The following TENM2 variants were observed in gnomAD, a reference collection of about 807,000 sequenced individuals.
The protein encoded by TENM2 is teneurin transmembrane protein 2.
A neutral mutation model predicts 245.2 loss-of-function variants in TENM2; 52 were observed. The ratio of observed to expected loss-of-function variants is 0.21; its 90% confidence interval spans 0.17 to 0.27. TENM2 has a LOEUF of 0.27. TENM2 is among the 10% of genes least tolerant of loss of function. The pLI is 1.00. For missense variants in TENM2, 3,046 were observed against 3,666.8 expected, an observed-to-expected ratio of 0.83 and a Z score of 4.37; for synonymous variants, 1,363 against 1,438.9, an observed-to-expected ratio of 0.95 and a Z score of 1.19.
At chr5:167,759,186 A>T (rs79092875) in intron 2 of TENM2, among the ~76,000 whole-genome samples, 2,991 of 150,110 alleles carry the variant, frequency 0.02, 76 homozygotes, top group African/African-American at 0.063. Context: ...CCCAGTTCTG[A>T]CACTAGATTA....
the TENM2 span, among the ~76,000 whole-genome samples, chr5:167,237,609 T>C: frequency 2.6e-5 from 4 of 152,220 alleles, no homozygotes; most frequent in Non-Finnish European, 5.9e-5. Flanking sequence ...CTGATAATCT[T>C]CCATTTAAGC....
At chr5:167,141,518 G>T in the TENM2 span, among the ~76,000 whole-genome samples, 1 of 152,080 alleles carries the variant, frequency 6.6e-6, no homozygotes, top group African/African-American at 2.4e-5. Context: ...AACAGGTTGT[G>T]TATAATATAT....
chr5:168,060,311 G>A (rs909169386), intron 6 of TENM2, among the ~76,000 whole-genome samples: 1 of 152,160 alleles, frequency 6.6e-6, no homozygotes, highest in Non-Finnish European at 1.5e-5. Context: ...TAATTTGGGG[G>A]GCTGAGGCAG....
At chr5:167,924,922 A>G (rs1695781981) in intron 3 of TENM2, among the ~76,000 whole-genome samples, 1 of 152,076 alleles carries the variant, frequency 6.6e-6, no homozygotes, top group Admixed American at 6.6e-5. Context: ...TACCTCACAT[A>G]CTCTACATGT....
intron 2 of TENM2, among the ~76,000 whole-genome samples, chr5:167,772,626 CT>C (rs34173993): frequency 0.14 from 20,202 of 146,276 alleles, 2,412 homozygotes; most frequent in African/African-American, 0.33. Context: ...ATCAGACCCA[CT>C]TTTTTTTTTT....
intron 1 of TENM2, among the ~76,000 whole-genome samples, chr5:167,298,462 G>A (rs566322038): frequency 5.9e-5 from 9 of 152,154 alleles, no homozygotes; most frequent in African/African-American, 1.7e-4. Context: ...AATTAGCCGG[G>A]CGAGGTGGCG....
At chr5:167,030,903 T>C in the TENM2 span, among the ~76,000 whole-genome samples, 87 of 152,284 alleles carry the variant, frequency 5.7e-4, 1 homozygote, top group African/African-American at 2.0e-3. Context: ...GTGGGTATTA[T>C]AACGGAAAGG....
chr5:167,952,609 A>G, exon 4 of TENM2: 2 of 1,610,672 alleles, frequency 1.2e-6, no homozygotes, highest in Non-Finnish European at 8.5e-7. Flanking sequence ...CACCACAGCC[A>G]GTCGACTCTG....
chr5:167,999,436 G>A (rs182799161), intron 5 of TENM2, among the ~76,000 whole-genome samples: 9 of 152,314 alleles, frequency 5.9e-5, no homozygotes, highest in African/African-American at 2.2e-4. Context: ...AGTCCTGTCA[G>A]TGCTTACACA....
At chr5:167,031,050 T>G in the TENM2 span, among the ~76,000 whole-genome samples, 1 of 152,130 alleles carries the variant, frequency 6.6e-6, no homozygotes, top group African/African-American at 2.4e-5. Flanking sequence ...AATCGAACCT[T>G]TTAGAAGTGA....
the TENM2 span, among the ~76,000 whole-genome samples, chr5:167,025,413 G>T: frequency 1.3e-5 from 2 of 151,990 alleles, no homozygotes; most frequent in Non-Finnish European, 2.9e-5. Flanking sequence ...TATACAAGTT[G>T]TTCATCACAC....
intron 12 of TENM2, among the ~76,000 whole-genome samples, chr5:168,141,053 G>A (rs779660907): frequency 3.3e-5 from 5 of 151,920 alleles, no homozygotes; most frequent in African/African-American, 9.7e-5. Context: ...ACATAGTCCC[G>A]CTGGGCTATG....
At chr5:167,375,344 C>T in exon 2 of TENM2, 1 of 1,551,664 alleles carries the variant, frequency 6.4e-7, no homozygotes, top group Non-Finnish European at 8.7e-7. Context: ...AGGGATGTCT[C>T]CAGAACACGC....
chr5:167,391,473 A>G (rs756625670), intron 2 of TENM2, among the ~76,000 whole-genome samples: 2 of 151,922 alleles, frequency 1.3e-5, no homozygotes, highest in Non-Finnish European at 2.9e-5. Flanking sequence ...TAAAAATACA[A>G]AATTAGCTGA....
At chr5:167,417,294 C>T (rs984080159) in intron 2 of TENM2, among the ~76,000 whole-genome samples, 1 of 152,150 alleles carries the variant, frequency 6.6e-6, no homozygotes, top group African/African-American at 2.4e-5. Flanking sequence ...GATTCCTTCC[C>T]AGCACAGTCC....
chr5:168,221,118 AAAAAAG>A (rs528273563), intron 23 of TENM2, among the ~76,000 whole-genome samples: 2 of 152,010 alleles, frequency 1.3e-5, no homozygotes, highest in African/African-American at 4.8e-5. Flanking sequence ...TCTCAAAAAA[AAAAAAG>A]AAAAAGAAAG....
intron 2 of TENM2, among the ~76,000 whole-genome samples, chr5:167,452,905 A>T (rs1264259985): frequency 8.2e-6 from 1 of 122,596 alleles, no homozygotes; most frequent in African/African-American, 3.1e-5. Context: ...CGTTGTACAC[A>T]TGTACCCTAG....
chr5:167,969,987 G>C (rs1345734), intron 4 of TENM2, among the ~76,000 whole-genome samples: 79,163 of 152,022 alleles, frequency 0.52, 21,460 homozygotes, highest in African/African-American at 0.68. Flanking sequence ...GAAATGGAGG[G>C]CTGGCAGGCA....
At chr5:168,003,613 A>G (rs1036891231) in intron 5 of TENM2, among the ~76,000 whole-genome samples, 1 of 152,164 alleles carries the variant, frequency 6.6e-6, no homozygotes, top group Non-Finnish European at 1.5e-5. Flanking sequence ...AATTTCTTGA[A>G]CCTATAAGTC....
Sources: allele counts gnomAD v4.1 joint callset (sites outside exome capture counted in the v4.1 genomes callset), GRCh38; gene constraint gnomAD v4.1.1; transcripts MANE v1.5; gene names NCBI Gene and HGNC (gene_info 2026-07-23, HGNC 2026-07-21).